The following CLCN3 variants were observed in gnomAD, a reference collection of about 807,000 sequenced individuals.
The protein encoded by CLCN3 is Cl-/H+ antiporter 3.
A neutral mutation model predicts 83.4 loss-of-function variants in CLCN3; 16 were observed. The ratio of observed to expected loss-of-function variants is 0.19; its 90% CI spans 0.13 to 0.29. The LOEUF (loss-of-function observed/expected upper bound fraction) is 0.29. Among genes scored for constraint, CLCN3 ranks in the 10% least tolerant of loss-of-function variants. The pLI is 1.00. For synonymous variants in CLCN3, 322 were observed against 346.2 expected, an observed-to-expected ratio of 0.93 and a Z score of 0.78; for missense variants, 544 against 1,006.0, an observed-to-expected ratio of 0.54 and a Z score of 6.21.
intron 3 of CLCN3, among the ~76,000 whole-genome samples, chr4:169,681,959 G>A (rs1222066109): frequency 1.3e-5 from 2 of 152,190 alleles, no homozygotes; most frequent in African/African-American, 4.8e-5. Context: ...AGATAATATA[G>A]TTGGAAAAGC....
Position 169,695,635 on chromosome 4 carries a change from A to AGGG in CLCN3, c.962_964dup (p.Gly321dup). 6.2e-7 allele frequency: 1 copy of AGGG among 1,613,654 alleles called. No homozygotes were observed. Among genetic ancestry groups the AGGG allele is most frequent in the Non-Finnish European group, 8.5e-7 (1 of 1,179,738 alleles). Reference sequence around the variant, plus strand: ...AGGTGCTATCAGCTGCCTCAGCTGCAGGGGTTTCTGTAGCTTTTGGTGCAC... The same window carrying AGGG: ...AGGTGCTATCAGCTGCCTCAGCTGCAGGGGGGGTTTCTGTAGCTTTTGGTGCAC... On this transcript the variant is annotated inframe_insertion, in exon 8 of 13. Transcript: ENST00000513761.
rs1439120361 is a variant in CLCN3 at position 169,697,477 on chromosome 4, G to A, written c.1306G>A (p.Ala436Thr). 2.8e-5 allele frequency: 46 copies of A among 1,614,182 alleles called. No individual in the cohort carries two copies. The highest frequency in any genetic ancestry group is 3.8e-5 in the Non-Finnish European group (45 of 1,180,030). ...CGTTCTGGAAGTCATTATTGTTGCA[G>A]CCATTACTGCTGTGATAGCCTTCCC... ...YPVLEVIIVA[A>T]ITAVIAFPNP... The change falls in exon 9 of 13, where the codon GCC becomes ACC. Residue 436 changes from alanine (A) to threonine (T), a missense_variant. Physicochemically the swap from Ala to Thr is moderately conservative, Grantham distance 58. Around this residue, in one of 6 missense-constraint regions of CLCN3, gnomAD observed 194 missense variants for 341.4 expected, o/e 0.57. Coordinates refer to ENST00000513761, the MANE Select transcript of CLCN3 (RefSeq NM_001829.4).
intron 2 of CLCN3, among the ~76,000 whole-genome samples, chr4:169,674,450 A>G (rs1731599091): frequency 6.6e-6 from 1 of 152,132 alleles, no homozygotes; most frequent in Admixed American, 6.6e-5. Context: ...TTCCTGTTAT[A>G]TTTATTCTCC....
At chr4:169,626,867 C>T (rs1304816678) in intron 1 of CLCN3, among the ~76,000 whole-genome samples, 2 of 152,132 alleles carry the variant, frequency 1.3e-5, no homozygotes, top group African/African-American at 2.4e-5. Context: ...AGCTGTGGGA[C>T]TTATAAACCA....
chr4:169,664,904 G>A (rs768699854), intron 2 of CLCN3, among the ~76,000 whole-genome samples: 18 of 152,124 alleles, frequency 1.2e-4, no homozygotes, highest in African/African-American at 3.4e-4. Flanking sequence ...TCTGCTTTGC[G>A]TTTATGCAGG....
intron 4 of CLCN3, 49 bp from the exon 5 acceptor site, chr4:169,688,994 C>G: frequency 1.9e-6 from 3 of 1,562,820 alleles, no homozygotes; most frequent in Non-Finnish European, 2.6e-6. Flanking sequence ...GTTCTCGACT[C>G]CCAAAAAATT....
rs1384059859 is a variant in CLCN3 at position 169,721,769 on chromosome 4, T to A, written c.*1772T>A. 6.6e-6 allele frequency: 1 copy of A among 152,190 alleles called. No individual in the cohort carries two copies. The highest frequency in any genetic ancestry group is 1.5e-5 in the Non-Finnish European group (1 of 68,022). 9.4% of individuals were successfully genotyped at this position (152,190 alleles called of 1,614,324 possible). A position where few individuals can be genotyped will look rare whatever the true frequency, so the allele number is the denominator to read the frequency against. On this transcript the variant is annotated 3_prime_UTR_variant, in exon 13 of 13. Coordinates refer to ENST00000513761, the MANE Select transcript of CLCN3 (RefSeq NM_001829.4). ...CTTAATTCACAATTGGCAAAGGCAG[T>A]TTACTCAAAGGACTGGGCTAAATAT...
At chr4:169,628,485 C>T (rs943458864) in intron 1 of CLCN3, among the ~76,000 whole-genome samples, 8 of 152,080 alleles carry the variant, frequency 5.3e-5, no homozygotes, top group African/African-American at 9.7e-5. Context: ...AGCTAGAAAA[C>T]GGACAAAAGA....
chr4:169,709,377 G>A (rs1166995911), intron 11 of CLCN3, among the ~76,000 whole-genome samples: 1 of 148,732 alleles, frequency 6.7e-6, no homozygotes, highest in Non-Finnish European at 1.5e-5. Context: ...GGAATGCTGA[G>A]ACTTTAAAAA....
At chr4:169,678,025 G>T (rs1258582907) in intron 2 of CLCN3, among the ~76,000 whole-genome samples, 2 of 152,172 alleles carry the variant, frequency 1.3e-5, no homozygotes, top group African/African-American at 4.8e-5. Flanking sequence ...TGATGACAAG[G>T]CTGATTGAGA....
At chr4:169,703,133 TATA>T (rs1209713799) in intron 9 of CLCN3, among the ~76,000 whole-genome samples, 2 of 152,256 alleles carry the variant, frequency 1.3e-5, no homozygotes, top group African/African-American at 4.8e-5. Flanking sequence ...CACTGTAACA[TATA>T]ATAATAGTGA....
At chr4:169,710,835 A>G (rs189906997) in intron 11 of CLCN3, among the ~76,000 whole-genome samples, 4 of 152,154 alleles carry the variant, frequency 2.6e-5, no homozygotes, top group East Asian at 3.9e-4. Flanking sequence ...TTTATTTTGT[A>G]TATCTATTAA....
intron 4 of CLCN3, among the ~76,000 whole-genome samples, 187 bp from the exon 5 acceptor site, chr4:169,688,856 A>G (rs1732258773): frequency 6.6e-6 from 1 of 152,178 alleles, no homozygotes; most frequent in African/African-American, 2.4e-5. Flanking sequence ...CAAAAATAGC[A>G]CTTTTATTGT....
chr4:169,681,719 T>C (rs1266434624), intron 3 of CLCN3, among the ~76,000 whole-genome samples: 1 of 152,162 alleles, frequency 6.6e-6, no homozygotes, highest in Non-Finnish European at 1.5e-5. Flanking sequence ...AAAAAAATAA[T>C]TCATTTAAAA....
At chr4:169,689,890 G>A (rs1732298455) in intron 5 of CLCN3, among the ~76,000 whole-genome samples, 1 of 152,140 alleles carries the variant, frequency 6.6e-6, no homozygotes, top group South Asian at 2.1e-4. Flanking sequence ...TGAAATCTGA[G>A]TGGTGATGCA....
chr4:169,626,287 G>A (rs1395177470), intron 1 of CLCN3, among the ~76,000 whole-genome samples: 1 of 152,220 alleles, frequency 6.6e-6, no homozygotes, highest in Non-Finnish European at 1.5e-5. Context: ...CCTTCCCATG[G>A]TGCGCCACCT....
chr4:169,652,968 A>G (rs1730769885), intron 2 of CLCN3, among the ~76,000 whole-genome samples: 1 of 151,990 alleles, frequency 6.6e-6, no homozygotes, highest in Admixed American at 6.5e-5. Context: ...GAAGTTCTTT[A>G]TTTTCTAGAC....
At chr4:169,678,999 C>T (rs991739717) in intron 2 of CLCN3, among the ~76,000 whole-genome samples, 16 of 150,658 alleles carry the variant, frequency 1.1e-4, no homozygotes, top group African/African-American at 3.7e-4. Flanking sequence ...CGGGCGGAGG[C>T]GCCCCCCACC....
intron 2 of CLCN3, among the ~76,000 whole-genome samples, chr4:169,673,337 G>T (rs2150231575): frequency 6.6e-6 from 1 of 152,306 alleles, no homozygotes; most frequent in African/African-American, 2.4e-5. Context: ...GAAAGTCACT[G>T]AAAGCAAGAC....
Sources: allele counts gnomAD v4.1 joint callset (sites outside exome capture counted in the v4.1 genomes callset), GRCh38; gene constraint gnomAD v4.1.1; regional missense constraint gnomAD v4.1.1; transcripts MANE v1.5; gene names NCBI Gene and HGNC (gene_info 2026-07-23, HGNC 2026-07-21).